ZNF273: variants seen among roughly 807,000 people sequenced by gnomAD.
ZNF273 encodes the protein zinc finger protein 9.
A neutral mutation model predicts 14.9 loss-of-function variants in ZNF273; 11 were observed. The observed-to-expected ratio is 0.74, with a 90% CI of 0.46 to 1.22. The LOEUF (loss-of-function observed/expected upper bound fraction) is 1.22. ZNF273 is among the 50% of genes most tolerant of loss of function. ZNF273 has a pLI of 0.00. For synonymous variants in ZNF273, 199 were observed against 223.9 expected (o/e 0.89, Z 0.99); for missense variants, 577 against 660.6 (o/e 0.87, Z 1.39).
chr7:64,912,826 G>GTTTTTTGTTTTTTTTTTTTTTTTTTTTT, intron 1 of ZNF273, among the ~76,000 whole-genome samples: 2 of 36,576 alleles, frequency 5.5e-5, no homozygotes, highest in East Asian at 6.2e-4. Flanking sequence ...ATTCATTTTA[G>GTTTTTTGTTTTTTTTTTTTTTTTTTTTT]TTTTTTTTTT....
chr7:64,882,366 A>C (rs1212715176), downstream of ZNF273: 5 of 151,860 alleles, frequency 3.3e-5, no homozygotes, highest in African/African-American at 1.2e-4. Flanking sequence ...CGAGACTTTT[A>C]TAGTCCCGCA....
upstream of ZNF273, among the ~76,000 whole-genome samples, chr7:64,901,615 T>C (rs1361914697): frequency 6.6e-6 from 1 of 152,244 alleles, no homozygotes; most frequent in Non-Finnish European, 1.5e-5. Context: ...TGATTATTTC[T>C]TCCGTAAGTG....
In ZNF273 at chr7:64,896,388, A is replaced by T. The variant is rs557436046; in HGVS notation, n.489-960A>T. ...TAAAAAACAGTGGCTTTAAAACTCAACCTAAATTCAATGGTAGCAGTCAAA... is the reference window on the plus strand; with the variant it reads ...TAAAAAACAGTGGCTTTAAAACTCATCCTAAATTCAATGGTAGCAGTCAAA... On this transcript the variant is annotated intron_variant and non_coding_transcript_variant, in intron 3 of 7. Transcript: ENST00000527278. Among the ~76,000 whole-genome samples, 209 of 152,326 alleles carry T rather than the reference A, an allele frequency of 1.4e-3. 1 individual carries two copies. The highest frequency in any genetic ancestry group is 5.0e-3 in the African/African-American group (206 of 41,580).
chr7:64,901,114 T>G (rs1792687340), upstream of ZNF273, among the ~76,000 whole-genome samples: 1 of 152,050 alleles, frequency 6.6e-6, no homozygotes, highest in South Asian at 2.1e-4. Context: ...GCGATTCTCA[T>G]ACCTTAGCCT....
chr7:64,890,865 T>C (rs1791985417), downstream of ZNF273, among the ~76,000 whole-genome samples: 1 of 152,222 alleles, frequency 6.6e-6, no homozygotes, highest in African/African-American at 2.4e-5. Flanking sequence ...CCAGCAGGCT[T>C]CCTTCACCGT....
At chr7:64,900,217 T>A (rs1417808276), upstream of ZNF273, among the ~76,000 whole-genome samples, 1 of 151,764 alleles carries the variant, frequency 6.6e-6, no homozygotes, top group African/African-American at 2.4e-5. Context: ...ACCTCCATTT[T>A]CAAGGCTGAA....
At chr7:64,922,440 T>C (rs542961616) in intron 3 of ZNF273, among the ~76,000 whole-genome samples, 12 of 151,938 alleles carry the variant, frequency 7.9e-5, no homozygotes, top group Non-Finnish European at 1.2e-4. Flanking sequence ...GTGATTCTCC[T>C]TCCTCAGCCT....
At chr7:64,888,859 A>G in exon 2 of ZNF273, 1 of 985,942 alleles carries the variant, frequency 1.0e-6, no homozygotes, top group Non-Finnish European at 1.2e-6. Context: ...TGCTCAAGCC[A>G]TGTTCATCTA....
chr7:64,892,809 C>T (rs180810750), downstream of ZNF273, among the ~76,000 whole-genome samples: 171 of 152,266 alleles, frequency 1.1e-3, no homozygotes, highest in Admixed American at 4.4e-3. Flanking sequence ...AGAGGTATGT[C>T]ATTTGCATGG....
At chr7:64,906,248 CTA>C (rs1461364547) in intron 1 of ZNF273, among the ~76,000 whole-genome samples, 1 of 152,180 alleles carries the variant, frequency 6.6e-6, no homozygotes, top group Non-Finnish European at 1.5e-5. Context: ...TATCTCTAGT[CTA>C]TGTCCTGTTA....
At chr7:64,916,707 T>C (rs2129080152) in intron 1 of ZNF273, among the ~76,000 whole-genome samples, 1 of 142,510 alleles carries the variant, frequency 7.0e-6, no homozygotes, top group South Asian at 2.4e-4. Context: ...TTTTTCTGTG[T>C]GCCTCAGCGC....
At chr7:64,937,209 T>C in the ZNF273 span, among the ~76,000 whole-genome samples, 2 of 152,254 alleles carry the variant, frequency 1.3e-5, no homozygotes, top group East Asian at 3.8e-4. Flanking sequence ...CAGTGATTTC[T>C]ATATTGCTAA....
intron 1 of ZNF273, among the ~76,000 whole-genome samples, chr7:64,885,935 T>G (rs1281094501): frequency 1.3e-5 from 2 of 152,196 alleles, no homozygotes; most frequent in Non-Finnish European, 2.9e-5. Flanking sequence ...GGCTAAGATC[T>G]TGGTTTAAAC....
intron 3 of ZNF273, among the ~76,000 whole-genome samples, chr7:64,921,605 CTTTTTTT>C (rs752363426): frequency 1.0e-3 from 59 of 57,938 alleles, no homozygotes; most frequent in East Asian, 7.8e-3. Context: ...CATGCTAATG[CTTTTTTT>C]TTTTTTTTTT....
intron 1 of ZNF273, among the ~76,000 whole-genome samples, chr7:64,887,100 C>T (rs1293636280): frequency 6.6e-6 from 1 of 152,180 alleles, no homozygotes; most frequent in Non-Finnish European, 1.5e-5. Flanking sequence ...ACTACTTTTC[C>T]ATGGTCGGTA....
At chr7:64,880,532 A>G (rs1242068630), downstream of ZNF273, among the ~76,000 whole-genome samples, 2 of 151,644 alleles carry the variant, frequency 1.3e-5, no homozygotes, top group Non-Finnish European at 2.9e-5. Flanking sequence ...GTGTGCCTGT[A>G]TGTGGCGTCA....
At chr7:64,880,709 G>A (rs980998262), downstream of ZNF273, among the ~76,000 whole-genome samples, 2 of 151,962 alleles carry the variant, frequency 1.3e-5, no homozygotes, top group South Asian at 2.1e-4. Context: ...GAGATGCGAC[G>A]GGCCCCAAAT....
chr7:64,900,612 T>C (rs918617013), upstream of ZNF273, among the ~76,000 whole-genome samples: 2 of 152,018 alleles, frequency 1.3e-5, no homozygotes, highest in African/African-American at 4.8e-5. Flanking sequence ...GTTAAAGAAA[T>C]AGGCAACATG....
At chr7:64,923,149 C>G (rs1794586305) in intron 3 of ZNF273, among the ~76,000 whole-genome samples, 1 of 152,060 alleles carries the variant, frequency 6.6e-6, no homozygotes, top group Non-Finnish European at 1.5e-5. Context: ...TTTTCAAACA[C>G]TACTCTTTTT....
Sources: gnomAD v4.1 joint callset for allele counts (sites outside exome capture counted in the v4.1 genomes callset) on GRCh38, gnomAD v4.1.1 for gene constraint, MANE v1.5 for transcripts, NCBI Gene and HGNC (gene_info 2026-07-23, HGNC 2026-07-21) for gene names.